MAPK8: variants seen among roughly 807,000 people sequenced by gnomAD.
MAPK8 encodes JUN N-terminal kinase.
Under a neutral mutation model 52.9 loss-of-function variants are expected in MAPK8, and 13 were observed. The observed-to-expected ratio is 0.25, with a 90% CI of 0.16 to 0.39. The LOEUF is 0.39. Ranked by LOEUF, MAPK8 falls within the 10% of genes least tolerant of loss-of-function variation. The pLI, the probability that MAPK8 is intolerant of heterozygous loss-of-function variation, is 1.00. For synonymous variants in MAPK8, 191 were observed against 169.8 expected (o/e 1.12, Z -0.97); for missense variants, 300 against 519.2 (o/e 0.58, Z 4.10).
At chr10:48,369,111 C>T (rs1010980096) in intron 1 of MAPK8, among the ~76,000 whole-genome samples, 1 of 152,044 alleles carries the variant, frequency 6.6e-6, no homozygotes, top group African/African-American at 2.4e-5. Context: ...GTGGGCTAGG[C>T]AGAATTCTTA....
intron 1 of MAPK8, among the ~76,000 whole-genome samples, chr10:48,382,114 G>T (rs1193891248): frequency 6.6e-6 from 1 of 152,106 alleles, no homozygotes; most frequent in African/African-American, 2.4e-5. Context: ...AATCTAATGA[G>T]TCTAATACAT....
At chr10:48,397,091 A>G (rs2041924096) in intron 1 of MAPK8, among the ~76,000 whole-genome samples, 1 of 152,178 alleles carries the variant, frequency 6.6e-6, no homozygotes, top group Non-Finnish European at 1.5e-5. Context: ...TAACCAAACT[A>G]GAAATTTTCC....
intron 1 of MAPK8, among the ~76,000 whole-genome samples, chr10:48,375,267 A>T (rs1306842170): frequency 6.6e-6 from 1 of 152,184 alleles, no homozygotes; most frequent in Non-Finnish European, 1.5e-5. Context: ...TTTATGACAA[A>T]CCCACAGCCA....
In MAPK8 at chr10:48,406,899, G is replaced by A. The variant is rs77777745; in HGVS notation, c.252+1918G>A. On this transcript the variant is annotated intron_variant, in intron 3 of 11. Transcript: ENST00000374189. ...AATCCTCTGAGAGGAGCTGAGGCAT[G>A]TCATCTCTTAACTGTAGACATTAAA... 1.2e-4 allele frequency among the ~76,000 whole-genome samples: 18 copies of A among 152,290 alleles called. No individual in the cohort carries two copies. In the East Asian group the frequency reaches 1.5e-3, roughly 13 times the overall value.
intron 1 of MAPK8, among the ~76,000 whole-genome samples, chr10:48,357,964 G>A (rs758944745): frequency 2.6e-5 from 4 of 152,060 alleles, no homozygotes; most frequent in African/African-American, 9.7e-5. Context: ...ATATGTACCT[G>A]GTTTACTTCA....
chr10:48,420,469 T>C, intron 6 of MAPK8, 149 bp downstream of exon 6: 2 of 777,820 alleles, frequency 2.6e-6, no homozygotes, highest in East Asian at 5.9e-5. Context: ...CAGGTAACTA[T>C]AAATTTTTTC....
intron 1 of MAPK8, among the ~76,000 whole-genome samples, chr10:48,385,068 G>C (rs191283575): frequency 5.1e-4 from 77 of 152,278 alleles, no homozygotes; most frequent in African/African-American, 1.8e-3. Flanking sequence ...AATAACATTG[G>C]TTATTTATTG....
chr10:48,430,894 C>T, intron 10 of MAPK8: 1 of 403,576 alleles, frequency 2.5e-6, no homozygotes, highest in South Asian at 2.5e-5. Context: ...TGTGCTGTAG[C>T]ACAAGTTGCT....
At chr10:48,356,356 A>C (rs1284564765) in intron 1 of MAPK8, among the ~76,000 whole-genome samples, 1 of 152,166 alleles carries the variant, frequency 6.6e-6, no homozygotes, top group Non-Finnish European at 1.5e-5. Context: ...AGAGGTAATA[A>C]CTTGTGAAAT....
intron 5 of MAPK8, among the ~76,000 whole-genome samples, chr10:48,417,131 T>C (rs182876510): frequency 1.3e-5 from 2 of 152,362 alleles, no homozygotes; most frequent in Admixed American, 6.5e-5. Context: ...TTGCCAAATA[T>C]TATTTTGGGG....
rs569095195 is a variant in MAPK8, at chr10:48,410,874, G to A, written c.450+706G>A. ...TGATTTTACTTTGCATCTCCCTAAC[G>A]ACTAATAATGTTGGGCATTTTTCAT... is the stretch of plus-strand genomic sequence containing the variant. On this transcript the variant is annotated intron_variant, in intron 5 of 11. Coordinates refer to ENST00000374189, the MANE Select transcript of MAPK8 (RefSeq NM_001323329.2). 2.6e-3 allele frequency among the ~76,000 whole-genome samples: 402 copies of A among 152,204 alleles called. 1 individual carries two copies. The highest frequency in any genetic ancestry group is 6.8e-3 in the Middle Eastern group (2 of 294).
intron 1 of MAPK8, among the ~76,000 whole-genome samples, chr10:48,354,852 A>G (rs1301981196): frequency 6.6e-6 from 1 of 152,210 alleles, no homozygotes; most frequent in Non-Finnish European, 1.5e-5. Flanking sequence ...GGCAGTATAC[A>G]TAGACTGGCA....
intron 11 of MAPK8, 58 bp from the exon 12 acceptor site, chr10:48,434,826 A>G (rs1343179012): frequency 1.3e-6 from 2 of 1,507,392 alleles, no homozygotes; most frequent in African/African-American, 1.4e-5. Context: ...GTGCAGTGCA[A>G]GTAGCTTGAT....
chr10:48,367,644 T>TTTTA (rs1399735776), intron 1 of MAPK8, among the ~76,000 whole-genome samples: 1 of 152,190 alleles, frequency 6.6e-6, no homozygotes, highest in Non-Finnish European at 1.5e-5. Context: ...GCTTTACATG[T>TTTTA]TTTATCTTTG....
intron 1 of MAPK8, among the ~76,000 whole-genome samples, chr10:48,318,892 T>C (rs1842741459): frequency 6.6e-6 from 1 of 152,170 alleles, no homozygotes; most frequent in South Asian, 2.1e-4. Flanking sequence ...GAAGGCCAAG[T>C]AAAGGAATTA....
intron 9 of MAPK8, 172 bp from the exon 10 acceptor site, chr10:48,426,908 A>G (rs2043719060): frequency 1.8e-6 from 1 of 542,076 alleles, no homozygotes; most frequent in South Asian, 2.6e-5. Flanking sequence ...ATTTCCTGCA[A>G]TGAAGGAGTC....
chr10:48,375,853 A>G (rs1409021702), intron 1 of MAPK8, among the ~76,000 whole-genome samples: 2 of 152,340 alleles, frequency 1.3e-5, no homozygotes, highest in Non-Finnish European at 1.5e-5. Flanking sequence ...CCATCAAAGT[A>G]CCATTGACTT....
intron 1 of MAPK8, among the ~76,000 whole-genome samples, chr10:48,367,014 C>A (rs957083642): frequency 2.0e-5 from 3 of 152,042 alleles, no homozygotes; most frequent in African/African-American, 7.2e-5. Context: ...AAGTACCAAG[C>A]CCACAAAGGA....
At chr10:48,418,587 A>G (rs987480065) in intron 5 of MAPK8, among the ~76,000 whole-genome samples, 1 of 152,212 alleles carries the variant, frequency 6.6e-6, no homozygotes, top group Non-Finnish European at 1.5e-5. Flanking sequence ...CCCATGAACT[A>G]GAACTACCCA....
Sources: allele counts gnomAD v4.1 joint callset (sites outside exome capture counted in the v4.1 genomes callset), GRCh38; gene constraint gnomAD v4.1.1; transcripts MANE v1.5; gene names NCBI Gene and HGNC (gene_info 2026-07-23, HGNC 2026-07-21).